Variants in TMPRSS11F observed in about 807,000 individuals in gnomAD.
The protein encoded by TMPRSS11F is transmembrane serine protease 11F, also known as transmembrane protease serine 11F.
Under a neutral mutation model 60.2 loss-of-function variants are expected in TMPRSS11F, and 47 were observed. The observed-to-expected ratio is 0.78, with a 90% CI of 0.62 to 1.00. The LOEUF is 1.00. Ranked by LOEUF, TMPRSS11F falls within the 50% of genes least tolerant of loss-of-function variation. The pLI is 0.00. For missense variants in TMPRSS11F, 519 were observed against 522.9 expected, an observed-to-expected ratio of 0.99 and a Z score of 0.07; for synonymous variants, 166 against 167.3, an observed-to-expected ratio of 0.99 and a Z score of 0.06.
At position 68,086,619 on chromosome 4, in the gene TMPRSS11F, T is replaced by A. The variant is rs560852216; in HGVS notation, c.282+3904A>T. 7.9e-5 allele frequency among the ~76,000 whole-genome samples: 12 copies of A among 152,064 alleles called. No homozygotes were observed. In the South Asian group the frequency reaches 2.5e-3, roughly 32 times the overall value. ...TTATTGAAAGAATAAACAAGACTGA[T>A]AGCTACCTAAATTAGAAAAAGAGAG... On this transcript the variant is annotated intron_variant, in intron 3 of 9. Coordinates refer to ENST00000356291, the MANE Select transcript of TMPRSS11F (RefSeq NM_207407.2).
In TMPRSS11F at chr4:68,072,228, A is replaced by AT. The variant is rs1491207172; in HGVS notation, c.514+94_514+95insA. On this transcript the variant is annotated intron_variant, in intron 5 of 9. Transcript: ENST00000356291. ...ATATATATATATATCTTCCAAAAAA[A>AT]AAATATATATATATATATATATTGC... 725 of 86,816 alleles carry AT rather than the reference A, an allele frequency of 8.4e-3. 33 individuals carry two copies. Among genetic ancestry groups the AT allele is most frequent in the African/African-American group, 0.014 (290 of 20,502 alleles). 5.4% of individuals were successfully genotyped at this position (86,816 alleles called of 1,614,324 possible).
intron 3 of TMPRSS11F, among the ~76,000 whole-genome samples, chr4:68,079,432 A>G (rs539258301): frequency 6.6e-4 from 100 of 152,304 alleles, no homozygotes; most frequent in Non-Finnish European, 1.2e-3. Context: ...CCCTTAAAGA[A>G]GCCCTCAAAG....
intron 1 of TMPRSS11F, among the ~76,000 whole-genome samples, chr4:68,113,215 C>T (rs1205434211): frequency 2.4e-4 from 36 of 151,976 alleles, no homozygotes; most frequent in Admixed American, 2.4e-3. Flanking sequence ...AAATGAGAAA[C>T]GTGTTATTGG....
chr4:68,124,374 C>T (rs1007909558), intron 1 of TMPRSS11F, among the ~76,000 whole-genome samples: 1 of 151,958 alleles, frequency 6.6e-6, no homozygotes, highest in Non-Finnish European at 1.5e-5. Flanking sequence ...CGTTGGGGTG[C>T]GCCTGTGGTC....
At chr4:68,121,584 A>G (rs1371888219) in intron 1 of TMPRSS11F, among the ~76,000 whole-genome samples, 3 of 152,182 alleles carry the variant, frequency 2.0e-5, no homozygotes, top group African/African-American at 4.8e-5. Flanking sequence ...GCAGTTTCTG[A>G]CAAAATAAGT....
intron 2 of TMPRSS11F, among the ~76,000 whole-genome samples, chr4:68,097,728 C>CA (rs890138490): frequency 6.6e-6 from 1 of 151,108 alleles, no homozygotes; most frequent in Non-Finnish European, 1.5e-5. Context: ...CGTTTTTAAG[C>CA]ATTGGGAGTG....
chr4:68,099,163 G>A, intron 1 of TMPRSS11F, 125 bp from the exon 2 acceptor site: 1 of 750,374 alleles, frequency 1.3e-6, no homozygotes, highest in Admixed American at 3.4e-5. Context: ...CTTAGACCTT[G>A]AAAAGAACAG....
At chr4:68,108,442 C>G (rs1724344279) in intron 1 of TMPRSS11F, among the ~76,000 whole-genome samples, 1 of 152,130 alleles carries the variant, frequency 6.6e-6, no homozygotes, top group Non-Finnish European at 1.5e-5. Flanking sequence ...CTGGAAGGGA[C>G]CCCTGAGACA....
At chr4:68,068,485 A>G (rs1723376688) in intron 7 of TMPRSS11F, 133 bp downstream of exon 7, 1 of 684,828 alleles carries the variant, frequency 1.5e-6, no homozygotes, top group Non-Finnish European at 2.5e-6. Flanking sequence ...AGCATAATCC[A>G]TTTAGGGGAC....
At position 68,090,701 on chromosome 4, in the gene TMPRSS11F, A is replaced by G; in HGVS notation, c.164-60T>C. ...AAGGTAATAAGTTGTTTTGTCCCCT[A>G]CGTCTTGCCCACACCTGCTAAATAG... On this transcript the variant is annotated intron_variant, in intron 2 of 9. Coordinates refer to ENST00000356291, the MANE Select transcript of TMPRSS11F (RefSeq NM_207407.2). The G allele has an allele frequency of 1.9e-6, 3 of 1,549,676 alleles. No homozygotes were observed. In the South Asian group the frequency reaches 3.6e-5, roughly 18 times the overall value.
chr4:68,083,966 C>T, intron 3 of TMPRSS11F, among the ~76,000 whole-genome samples: 1 of 152,006 alleles, frequency 6.6e-6, no homozygotes. Context: ...ATGACATAGC[C>T]ACTTTAAGAA....
At chr4:68,077,474 A>C (rs1723609641) in intron 3 of TMPRSS11F, 2 of 152,390 alleles carry the variant, frequency 1.3e-5, no homozygotes, top group East Asian at 1.9e-4. Context: ...CAGAACAGGA[A>C]TGCTGCTGGA....
intron 3 of TMPRSS11F, chr4:68,080,992 C>T (rs1723686880): frequency 6.6e-6 from 1 of 152,102 alleles, no homozygotes; most frequent in African/African-American, 2.4e-5. Context: ...TATTTTTTGT[C>T]TCTAAAGAAG....
intron 5 of TMPRSS11F, among the ~76,000 whole-genome samples, chr4:68,071,025 T>G (rs1449735953): frequency 1.3e-5 from 2 of 152,100 alleles, no homozygotes; most frequent in Admixed American, 6.6e-5. Flanking sequence ...AATTTTTTAA[T>G]AAATTATACA....
At position 68,068,833 on chromosome 4, in the gene TMPRSS11F, A is replaced by G; in HGVS notation, c.554-14T>C. On this transcript the variant is annotated splice_polypyrimidine_tract_variant and intron_variant, in intron 6 of 9. Coordinates refer to ENST00000356291, the MANE Select transcript of TMPRSS11F (RefSeq NM_207407.2). ...TTATTCCACAGCCTGCCACAGAAAT[A>G]CATGATCATTCATATTCATAAAAAG... 2 of 1,613,088 alleles carry G rather than the reference A, an allele frequency of 1.2e-6. No homozygotes were observed. The highest frequency in any genetic ancestry group is 1.7e-6 in the Non-Finnish European group (2 of 1,179,134).
intron 3 of TMPRSS11F, among the ~76,000 whole-genome samples, chr4:68,075,351 A>T (rs552198995): frequency 3.7e-4 from 56 of 152,244 alleles, no homozygotes; most frequent in African/African-American, 1.3e-3. Context: ...GTTCCCTCCG[A>T]ATACTGCAAC....
chr4:68,093,070 T>A (rs1190089770), intron 2 of TMPRSS11F, among the ~76,000 whole-genome samples: 2 of 152,210 alleles, frequency 1.3e-5, no homozygotes, highest in East Asian at 3.8e-4. Context: ...CTCAGCTCAT[T>A]TCACCAGTGA....
At chr4:68,063,328 C>A in intron 8 of TMPRSS11F, 1 of 488,638 alleles carries the variant, frequency 2.0e-6, no homozygotes, top group South Asian at 1.6e-5. Context: ...TCTTATTTCT[C>A]ATTAAAACAT....
intron 1 of TMPRSS11F, among the ~76,000 whole-genome samples, chr4:68,119,814 G>C (rs1011766115): frequency 6.6e-6 from 1 of 152,166 alleles, no homozygotes; most frequent in African/African-American, 2.4e-5. Context: ...GGATCAAGGA[G>C]AAATTATGAC....
Sources: allele counts gnomAD v4.1 joint callset (sites outside exome capture counted in the v4.1 genomes callset), GRCh38; gene constraint gnomAD v4.1.1; transcripts MANE v1.5; gene names NCBI Gene and HGNC (gene_info 2026-07-23, HGNC 2026-07-21).